Variants in PDZD2 observed in about 807,000 individuals in gnomAD.
The protein encoded by PDZD2 is PDZ domain-containing protein 2.
PDZD2 carries 90 observed loss-of-function variants against 220.7 expected under a neutral mutation model. The observed-to-expected ratio is 0.41, with a 90% CI of 0.34 to 0.49. PDZD2 has a LOEUF of 0.49. Ranked by LOEUF, PDZD2 falls within the 20% of genes least tolerant of loss-of-function variation. The probability of loss-of-function intolerance (pLI) is 0.28; values close to 1 mark genes in which losing one functional copy is unlikely to be tolerated. For missense variants in PDZD2, 3,174 were observed against 3,608.5 expected, an observed-to-expected ratio of 0.88 and a Z score of 3.08; for synonymous variants, 1,375 against 1,450.5, an observed-to-expected ratio of 0.95 and a Z score of 1.18.
chr5:32,071,229 T>C (rs1471969919), intron 15 of PDZD2, among the ~76,000 whole-genome samples, 155 bp from the exon 16 acceptor site: 1 of 152,214 alleles, frequency 6.6e-6, no homozygotes, highest in Admixed American at 6.5e-5. Context: ...GCAGGTAGAC[T>C]GCATGCACGT....
intron 2 of PDZD2, among the ~76,000 whole-genome samples, chr5:31,853,028 C>T (rs1758150633): frequency 6.6e-6 from 1 of 152,198 alleles, no homozygotes; most frequent in African/African-American, 2.4e-5. Context: ...CAAAGGAGCA[C>T]TTCTCAAATT....
At chr5:31,992,171 T>C (rs1327214354) in intron 3 of PDZD2, among the ~76,000 whole-genome samples, 2 of 152,186 alleles carry the variant, frequency 1.3e-5, no homozygotes, top group African/African-American at 2.4e-5. Context: ...ATTAATTTCT[T>C]TGGACACTCC....
intron 7 of PDZD2, among the ~76,000 whole-genome samples, chr5:32,038,606 AT>A (rs139611239): frequency 1.3e-5 from 2 of 151,336 alleles, no homozygotes; most frequent in African/African-American, 2.4e-5. Flanking sequence ...TATTACGTTT[AT>A]TTTTTTTTCT....
intron 2 of PDZD2, among the ~76,000 whole-genome samples, chr5:31,901,551 G>T (rs4867393): frequency 0.13 from 19,145 of 152,158 alleles, 1,435 homozygotes; most frequent in Non-Finnish European, 0.16. Context: ...GACATACACT[G>T]CTGGGGAGTC....
At chr5:31,968,650 TG>T (rs1245278542) in intron 2 of PDZD2, among the ~76,000 whole-genome samples, 1 of 151,494 alleles carries the variant, frequency 6.6e-6, no homozygotes, top group Non-Finnish European at 1.5e-5. Flanking sequence ...AGCGAAATTC[TG>T]TCTCAAAAAA....
chr5:32,100,997 G>T, intron 23 of PDZD2, 108 bp from the exon 24 acceptor site: 1 of 1,592,606 alleles, frequency 6.3e-7, no homozygotes. Context: ...TGGGACTTGA[G>T]TGTGCCAGAA....
chr5:32,012,685 G>A (rs1249036767), intron 6 of PDZD2, among the ~76,000 whole-genome samples: 2 of 151,688 alleles, frequency 1.3e-5, no homozygotes, highest in Non-Finnish European at 2.9e-5. Flanking sequence ...ACCGCACCTG[G>A]CCCAAAAAAA....
At chr5:31,934,792 A>G (rs931442938) in intron 2 of PDZD2, among the ~76,000 whole-genome samples, 6 of 152,018 alleles carry the variant, frequency 3.9e-5, no homozygotes, top group African/African-American at 1.4e-4. Context: ...ATACTAAAAA[A>G]CACCAAAAAT....
chr5:31,797,230 A>C (rs1464043555), intron 1 of PDZD2, among the ~76,000 whole-genome samples: 1 of 149,230 alleles, frequency 6.7e-6, no homozygotes, highest in Non-Finnish European at 1.5e-5. Context: ...GGCGTGAGCC[A>C]CTGTGCCCAG....
intron 2 of PDZD2, among the ~76,000 whole-genome samples, chr5:31,945,645 T>C (rs1465717404): frequency 3.9e-5 from 6 of 151,922 alleles, no homozygotes; most frequent in African/African-American, 1.2e-4. Context: ...TCCCCCTTGT[T>C]CTCTTCCCTA....
intron 2 of PDZD2, among the ~76,000 whole-genome samples, chr5:31,821,339 T>C (rs1162275694): frequency 1.3e-5 from 2 of 151,998 alleles, no homozygotes; most frequent in Non-Finnish European, 2.9e-5. Flanking sequence ...CTAAATACCA[T>C]GTAATCATTA....
At chr5:31,892,039 T>C (rs981316659) in intron 2 of PDZD2, among the ~76,000 whole-genome samples, 14 of 151,288 alleles carry the variant, frequency 9.3e-5, no homozygotes, top group Admixed American at 5.3e-4. Flanking sequence ...GCCTCCTGAG[T>C]AGCTGTGACC....
intron 2 of PDZD2, among the ~76,000 whole-genome samples, chr5:31,894,723 G>T (rs1741381515): frequency 6.6e-6 from 1 of 152,038 alleles, no homozygotes; most frequent in Admixed American, 6.6e-5. Context: ...TGACCTGAAG[G>T]GTTGAAAGAT....
intron 19 of PDZD2, among the ~76,000 whole-genome samples, chr5:32,078,184 C>T (rs913343445): frequency 6.6e-6 from 1 of 152,064 alleles, no homozygotes; most frequent in Non-Finnish European, 1.5e-5. Flanking sequence ...ACTTCCCACC[C>T]ATCAAAATCA....
At position 32,087,349 on chromosome 5, in the gene PDZD2, G is replaced by T. The variant is rs1421604123; in HGVS notation, c.3901G>T (p.Asp1301Tyr). 1 of 1,614,100 alleles carries T rather than the reference G, an allele frequency of 6.2e-7. No homozygotes were observed. Among genetic ancestry groups the T allele is most frequent in the South Asian group, 1.1e-5 (1 of 91,074 alleles). Reference protein sequence around the residue: ...SPGEKAAAPPDYSKTRSASET... With the variant: ...SPGEKAAAPPYYSKTRSASET... ...GGGGGAGAAAGCAGCGGCTCCCCCT[G>T]ACTACAGCAAGACTCGATCAGCATC... Residue 1301 changes from aspartate to tyrosine, a missense_variant, in exon 20 of 25, where the codon GAC (aspartate) becomes TAC (tyrosine). Coordinates refer to ENST00000438447, the MANE Select transcript of PDZD2 (RefSeq NM_178140.4). This position sits in a 1 kb window ranked among gnomAD's most constrained non-coding sequence, Gnocchi z 4.0.
intron 1 of PDZD2, among the ~76,000 whole-genome samples, chr5:31,722,133 G>C (rs147148882): frequency 1.1e-3 from 160 of 152,212 alleles, no homozygotes; most frequent in Non-Finnish European, 2.0e-3. Flanking sequence ...TCTCTAGACC[G>C]TTCTCACTGT....
intron 5 of PDZD2, among the ~76,000 whole-genome samples, chr5:32,001,439 A>G (rs773036283): frequency 1.2e-4 from 18 of 147,190 alleles, no homozygotes; most frequent in Non-Finnish European, 2.6e-4. Flanking sequence ...TACAAATGAG[A>G]CAGTGAGGCA....
At chr5:31,911,792 G>A (rs1281601381) in intron 2 of PDZD2, among the ~76,000 whole-genome samples, 1 of 152,138 alleles carries the variant, frequency 6.6e-6, no homozygotes, top group Non-Finnish European at 1.5e-5. Flanking sequence ...AGGAGCTGAG[G>A]GGATGAATGC....
Position 32,109,097 on chromosome 5 carries a change from A to C in PDZD2, c.*962A>C, listed in dbSNP as rs997828137. The C allele has an allele frequency of 6.6e-6, 1 of 152,346 alleles. No homozygotes were observed. Among genetic ancestry groups the C allele is most frequent in the Admixed American group, 6.6e-5 (1 of 15,250 alleles). The allele number at this position is 152,346 out of a possible 1,614,324, so 9.4% of individuals were successfully genotyped here. A position where few individuals can be genotyped will look rare whatever the true frequency, so the allele number is the denominator to read the frequency against. ...TTTTATGCACTCCAACCATGAATTT[A>C]AACTAAATTTTTAGAAATCAAGTAT... On this transcript the variant is annotated 3_prime_UTR_variant, in exon 25 of 25. Transcript: ENST00000438447.
Sources: gnomAD v4.1 joint callset for allele counts (sites outside exome capture counted in the v4.1 genomes callset) on GRCh38, gnomAD v4.1.1 for gene constraint, Gnocchi (gnomAD v3.1) non-coding constraint, MANE v1.5 for transcripts, NCBI Gene and HGNC (gene_info 2026-07-23, HGNC 2026-07-21) for gene names.